ESRRG: variants seen among roughly 807,000 people sequenced by gnomAD.
ESRRG encodes the protein estrogen related receptor gamma.
In ESRRG, 13 loss-of-function variants were observed where a neutral mutation model predicts 44.0. That is an observed-to-expected ratio of 0.30 (90% CI 0.19 to 0.47). The LOEUF is 0.47. Among genes scored for constraint, ESRRG ranks in the 20% least tolerant of loss-of-function variants. ESRRG has a pLI of 1.00. For missense variants in ESRRG, 395 were observed against 580.6 expected, an observed-to-expected ratio of 0.68 and a Z score of 3.29; for synonymous variants, 215 against 214.6, an observed-to-expected ratio of 1.00 and a Z score of -0.02.
chr1:216,554,871 T>A (rs2057201012), intron 5 of ESRRG, among the ~76,000 whole-genome samples: 1 of 152,192 alleles, frequency 6.6e-6, no homozygotes, highest in African/African-American at 2.4e-5. Context: ...AGGAATTTGC[T>A]GTAGCGTTTG....
intron 1 of ESRRG, among the ~76,000 whole-genome samples, chr1:216,684,886 G>A (rs2077639801): frequency 6.6e-6 from 1 of 152,330 alleles, no homozygotes; most frequent in African/African-American, 2.4e-5. Flanking sequence ...TTTAACAAGT[G>A]TGTATATTTG....
At chr1:216,824,746 C>G (rs1298848526) in intron 2 of ESRRG, among the ~76,000 whole-genome samples, 15 of 152,170 alleles carry the variant, frequency 9.9e-5, no homozygotes, top group Admixed American at 9.8e-4. Context: ...GCATATGCTC[C>G]TCACAAGAAA....
intron 1 of ESRRG, among the ~76,000 whole-genome samples, chr1:217,021,245 G>T (rs925140509): frequency 6.6e-6 from 1 of 152,154 alleles, no homozygotes; most frequent in Non-Finnish European, 1.5e-5. Flanking sequence ...TAGAGTGGAT[G>T]GTTCATGGTG....
At chr1:217,063,162 G>C (rs1240738838) in intron 1 of ESRRG, among the ~76,000 whole-genome samples, 1 of 152,186 alleles carries the variant, frequency 6.6e-6, no homozygotes, top group Admixed American at 6.5e-5. Context: ...ACAGGGAAAA[G>C]AGGGCTGATA....
intron 1 of ESRRG, among the ~76,000 whole-genome samples, chr1:217,068,659 G>A (rs751425003): frequency 4.1e-4 from 63 of 152,120 alleles, no homozygotes; most frequent in Middle Eastern, 3.4e-3. Flanking sequence ...GAAATACATC[G>A]AGAAAAACAG....
chr1:216,967,170 C>T (rs6698252), intron 1 of ESRRG, among the ~76,000 whole-genome samples: 1 of 129,698 alleles, frequency 7.7e-6, no homozygotes, highest in Admixed American at 7.8e-5. Flanking sequence ...CACAGCATCG[C>T]CCCCCCTCCC....
At chr1:216,841,003 AAAT>A (rs2095644470) in intron 2 of ESRRG, among the ~76,000 whole-genome samples, 1 of 152,144 alleles carries the variant, frequency 6.6e-6, no homozygotes. Flanking sequence ...GCTGTTGGAA[AAAT>A]GGCAGTAGGT....
At chr1:216,562,502 T>C (rs11117621) in intron 5 of ESRRG, among the ~76,000 whole-genome samples, 9,859 of 152,004 alleles carry the variant, frequency 0.065, 1,111 homozygotes, top group African/African-American at 0.23. Context: ...AGGGTCAGGC[T>C]GGGGCGATTT....
intron 2 of ESRRG, among the ~76,000 whole-genome samples, chr1:216,930,946 G>C (rs1181934576): frequency 6.6e-6 from 1 of 152,170 alleles, no homozygotes; most frequent in Non-Finnish European, 1.5e-5. Flanking sequence ...GTGGGTGATG[G>C]GATAATGCTG....
At chr1:216,993,619 A>G (rs1444417368) in intron 1 of ESRRG, among the ~76,000 whole-genome samples, 4 of 152,160 alleles carry the variant, frequency 2.6e-5, no homozygotes, top group Non-Finnish European at 5.9e-5. Flanking sequence ...TGATGAGGGC[A>G]GATCCAAGGT....
At chr1:216,886,609 G>T (rs1334121096) in intron 2 of ESRRG, among the ~76,000 whole-genome samples, 3 of 152,154 alleles carry the variant, frequency 2.0e-5, no homozygotes, top group Non-Finnish European at 2.9e-5. Context: ...ATTCCTTCAA[G>T]AAGTCATTTA....
At chr1:216,568,390 G>A (rs2060066671) in intron 3 of ESRRG, among the ~76,000 whole-genome samples, 1 of 152,184 alleles carries the variant, frequency 6.6e-6, no homozygotes, top group Non-Finnish European at 1.5e-5. Context: ...ATACAAAGAA[G>A]CCGCTATTTG....
intron 2 of ESRRG, among the ~76,000 whole-genome samples, chr1:216,817,763 A>G (rs1035377821): frequency 2.6e-5 from 4 of 152,352 alleles, no homozygotes; most frequent in Non-Finnish European, 2.9e-5. Flanking sequence ...CACGCAAATC[A>G]TACACTATCA....
chr1:217,029,636 G>A (rs560481605), intron 1 of ESRRG, among the ~76,000 whole-genome samples: 25 of 152,196 alleles, frequency 1.6e-4, no homozygotes, highest in Non-Finnish European at 2.5e-4. Context: ...TTTAACTACC[G>A]CCAGACCAAT....
intron 1 of ESRRG, among the ~76,000 whole-genome samples, chr1:217,119,994 T>C (rs555632992): frequency 1.4e-4 from 22 of 152,276 alleles, no homozygotes; most frequent in African/African-American, 5.1e-4. Flanking sequence ...TTAACAGTAA[T>C]AATAAGTAGA....
At chr1:216,969,360 A>G (rs907977206) in intron 1 of ESRRG, among the ~76,000 whole-genome samples, 1 of 152,164 alleles carries the variant, frequency 6.6e-6, no homozygotes, top group Non-Finnish European at 1.5e-5. Context: ...TCTGACCCTT[A>G]TGGTGTTCAA....
chr1:216,575,110 A>G (rs1413613874), intron 3 of ESRRG, among the ~76,000 whole-genome samples: 2 of 152,108 alleles, frequency 1.3e-5, no homozygotes, highest in Non-Finnish European at 2.9e-5. Flanking sequence ...CTCCTTCGGG[A>G]CAATATCCTG....
chr1:216,524,873 A>C (rs1007782231), intron 5 of ESRRG, among the ~76,000 whole-genome samples: 2 of 152,176 alleles, frequency 1.3e-5, no homozygotes, highest in African/African-American at 4.8e-5. Context: ...GAGGAACTAA[A>C]AGAGAGGAGA....
intron 5 of ESRRG, among the ~76,000 whole-genome samples, chr1:216,532,973 C>T (rs751276553): frequency 2.0e-5 from 3 of 151,898 alleles, no homozygotes; most frequent in African/African-American, 7.3e-5. Context: ...TATTTCTTAC[C>T]GAGTACATGG....
Sources: allele counts gnomAD v4.1 joint callset (sites outside exome capture counted in the v4.1 genomes callset), GRCh38; gene constraint gnomAD v4.1.1; transcripts MANE v1.5; gene names NCBI Gene and HGNC (gene_info 2026-07-23, HGNC 2026-07-21).